UGT8: variants seen among roughly 807,000 people sequenced by gnomAD.
UGT8 encodes UDP glycosyltransferase 8.
In UGT8, 12 loss-of-function variants were observed where a neutral mutation model predicts 40.5. The observed-to-expected ratio is 0.30, with a 90% CI of 0.19 to 0.48. The LOEUF is 0.48. Among genes scored for constraint, UGT8 ranks in the 20% least tolerant of loss-of-function variants. The probability of loss-of-function intolerance (pLI) is 0.99; values close to 1 mark genes in which losing one functional copy is unlikely to be tolerated. For missense variants in UGT8, 513 were observed against 648.7 expected (o/e 0.79, Z 2.27); for synonymous variants, 224 against 240.4 (o/e 0.93, Z 0.63).
chr4:114,638,561 A>G lies in UGT8; in HGVS notation c.822+14859A>G, dbSNP rs540537094. On this transcript the variant is annotated intron_variant, in intron 2 of 5. Transcript: ENST00000310836. ...TTCCTTGCTCATTTCATTTCTTTCC[A>G]TAGTATTTTATTGAAGGTCACCACG... Among the ~76,000 whole-genome samples the G allele has an allele frequency of 2.6e-5, 4 of 152,208 alleles. No homozygotes were observed. The East Asian group carries it at 5.8e-4, about 22-fold the overall frequency.
At chr4:114,655,869 C>G (rs1734155787) in intron 2 of UGT8, among the ~76,000 whole-genome samples, 1 of 152,058 alleles carries the variant, frequency 6.6e-6, no homozygotes, top group Non-Finnish European at 1.5e-5. Context: ...CCTTTATTTG[C>G]TATGTCTTTA....
chr4:114,646,055 GTATC>G (rs916692782), intron 2 of UGT8, among the ~76,000 whole-genome samples: 4 of 152,112 alleles, frequency 2.6e-5, no homozygotes, highest in Non-Finnish European at 4.4e-5. Context: ...GTATTGCAGA[GTATC>G]TATTTATTGA....
At chr4:114,645,691 A>G (rs1326298094) in intron 2 of UGT8, among the ~76,000 whole-genome samples, 1 of 152,206 alleles carries the variant, frequency 6.6e-6, no homozygotes, top group African/African-American at 2.4e-5. Flanking sequence ...GTCATCGAAT[A>G]TATACCAATG....
chr4:114,640,680 C>CAT (rs1733168185), intron 2 of UGT8, among the ~76,000 whole-genome samples: 1 of 151,996 alleles, frequency 6.6e-6, no homozygotes, highest in Admixed American at 6.6e-5. Flanking sequence ...AAACTTCCAC[C>CAT]ATGGTGGAAG....
intron 1 of UGT8, among the ~76,000 whole-genome samples, chr4:114,611,645 G>GATTCTT (rs1466797625): frequency 6.7e-6 from 1 of 149,290 alleles, no homozygotes; most frequent in Admixed American, 6.7e-5. Context: ...GGAAGACATA[G>GATTCTT]ATTCTTACCT....
At chr4:114,637,799 C>T (rs111272110) in intron 2 of UGT8, among the ~76,000 whole-genome samples, 74 of 152,310 alleles carry the variant, frequency 4.9e-4, no homozygotes, top group South Asian at 3.1e-3. Flanking sequence ...ACAGCAAGTA[C>T]ATTTTTGAGG....
At chr4:114,664,739 A>T (rs937408609) in intron 3 of UGT8, among the ~76,000 whole-genome samples, 1 of 152,236 alleles carries the variant, frequency 6.6e-6, no homozygotes, top group African/African-American at 2.4e-5. Flanking sequence ...TTCCAGCCCA[A>T]TGCTGAAAAA....
In UGT8 at chr4:114,623,045, C is replaced by T. The variant is rs373431308; in HGVS notation, c.165C>T (p.Leu55=). The T allele has an allele frequency of 6.2e-7, 1 of 1,614,142 alleles. No homozygotes were observed. The highest frequency in any genetic ancestry group is 2.2e-5 in the East Asian group (1 of 44,872). The change falls in exon 2 of 6, where the codon CTC becomes CTT. Residue 55 remains leucine, a synonymous_variant. Transcript: ENST00000310836. ...LHERGHHTVF[L]LSEGRDIAPS... ...AGAGAGGCCACCATACAGTGTTCCT[C>T]CTCTCTGAAGGCAGAGACATCGCCC...
intron 1 of UGT8, among the ~76,000 whole-genome samples, chr4:114,620,589 G>A (rs77894146): frequency 0.021 from 3,175 of 152,178 alleles, 58 homozygotes; most frequent in Non-Finnish European, 0.032. Flanking sequence ...TATTTTTAAA[G>A]CCTTATAATA....
intron 3 of UGT8, chr4:114,665,348 G>A: frequency 1.0e-6 from 1 of 983,386 alleles, no homozygotes. Flanking sequence ...CTGGCTGTTT[G>A]TGGGGAATAA....
chr4:114,667,749 C>T (rs1003294823), intron 4 of UGT8: 5 of 357,228 alleles, frequency 1.4e-5, no homozygotes, highest in Non-Finnish European at 2.0e-5. Flanking sequence ...TTTTTTCACT[C>T]TGGTATTGTT....
chr4:114,651,182 A>C (rs1178038262), intron 2 of UGT8, among the ~76,000 whole-genome samples: 1 of 151,930 alleles, frequency 6.6e-6, no homozygotes, highest in Non-Finnish European at 1.5e-5. Context: ...AGCGGGGAAA[A>C]ATTACTTCCT....
At chr4:114,607,195 A>G (rs1730786943) in intron 1 of UGT8, among the ~76,000 whole-genome samples, 1 of 152,138 alleles carries the variant, frequency 6.6e-6, no homozygotes, top group African/African-American at 2.4e-5. Context: ...GTAGAGTCCC[A>G]AGTAACCTTT....
intron 1 of UGT8, 70 bp from the exon 2 acceptor site, chr4:114,622,809 T>C (rs1036155672): frequency 7.2e-7 from 1 of 1,381,456 alleles, no homozygotes. Context: ...GGAAAAATGC[T>C]TTGTGATTGC....
chr4:114,620,419 T>G (rs1220653591), intron 1 of UGT8, among the ~76,000 whole-genome samples: 1 of 152,214 alleles, frequency 6.6e-6, no homozygotes, highest in Non-Finnish European at 1.5e-5. Flanking sequence ...TTCTTCAGAT[T>G]TGTGAGAAGG....
At chr4:114,640,056 A>T (rs1733118212) in intron 2 of UGT8, among the ~76,000 whole-genome samples, 1 of 135,688 alleles carries the variant, frequency 7.4e-6, no homozygotes, top group Non-Finnish European at 1.5e-5. Context: ...TTTGAGACGG[A>T]GTCTCGCTCT....
chr4:114,599,743 A>G (rs1173150801), intron 1 of UGT8, among the ~76,000 whole-genome samples: 1 of 152,060 alleles, frequency 6.6e-6, no homozygotes, highest in Non-Finnish European at 1.5e-5. Flanking sequence ...GCTGGCAAAA[A>G]GAAGGGCGCC....
rs61733375 is a variant in UGT8 at position 114,623,615 on chromosome 4, C to T, written c.735C>T (p.Asp245=). Residue 245 remains aspartate, a synonymous_variant, in exon 2 of 6, where the codon GAC becomes GAT. Coordinates refer to ENST00000310836, the MANE Select transcript of UGT8 (RefSeq NM_001128174.3). ...CCAGCCTGTGGATGCTGTGTACTGA[C>T]GTAGCACTGGAATTCCCAAGACCCA... is the stretch of plus-strand genomic sequence containing the variant. ...HGSSLWMLCT[D]VALEFPRPTL... 8.4e-4 allele frequency: 1,349 copies of T among 1,614,044 alleles called. 11 individuals carry two copies. The African/African-American group carries it at 0.016, about 19-fold the overall frequency.
intron 5 of UGT8, 186 bp from the exon 6 acceptor site, chr4:114,675,739 C>CA (rs59103664): frequency 0.51 from 35,827 of 70,898 alleles, 14,860 homozygotes; most frequent in Admixed American, 0.67. Context: ...GACTCCGTCT[C>CA]AAAAAAAAAA....
Sources: allele counts gnomAD v4.1 joint callset (sites outside exome capture counted in the v4.1 genomes callset), GRCh38; gene constraint gnomAD v4.1.1; transcripts MANE v1.5; gene names NCBI Gene and HGNC (gene_info 2026-07-23, HGNC 2026-07-21).